STXBP6: variants seen among roughly 807,000 people sequenced by gnomAD.
STXBP6 encodes syntaxin binding protein 6.
Under a neutral mutation model 26.9 loss-of-function variants are expected in STXBP6, and 21 were observed. That is an observed-to-expected ratio of 0.78 (90% CI 0.55 to 1.12). The LOEUF (loss-of-function observed/expected upper bound fraction) is 1.12, where lower values mean the gene tolerates loss of function less well. STXBP6 is among the 50% of genes most tolerant of loss of function. The probability of loss-of-function intolerance (pLI) is 0.00; values close to 1 mark genes in which losing one functional copy is unlikely to be tolerated. For synonymous variants in STXBP6, 97 were observed against 92.6 expected (o/e 1.05, Z -0.27); for missense variants, 232 against 257.9 (o/e 0.90, Z 0.69).
At chr14:24,982,029 C>T (rs573498717) in intron 1 of STXBP6, among the ~76,000 whole-genome samples, 2 of 152,184 alleles carry the variant, frequency 1.3e-5, no homozygotes, top group African/African-American at 4.8e-5. Context: ...AAATAGTTTG[C>T]CAAAACGTTA....
chr14:24,883,511 T>C (rs1287142770), intron 2 of STXBP6, among the ~76,000 whole-genome samples: 1 of 152,202 alleles, frequency 6.6e-6, no homozygotes, highest in Non-Finnish European at 1.5e-5. Context: ...CAAAAATTTA[T>C]GACATAAACC....
chr14:24,834,919 A>T (rs1730156864), intron 4 of STXBP6, among the ~76,000 whole-genome samples: 1 of 152,190 alleles, frequency 6.6e-6, no homozygotes, highest in African/African-American at 2.4e-5. Flanking sequence ...AGTGCTTCTC[A>T]AGAGTTTTCT....
At chr14:25,002,959 T>C (rs2074800583) in intron 1 of STXBP6, among the ~76,000 whole-genome samples, 1 of 150,968 alleles carries the variant, frequency 6.6e-6, no homozygotes, top group African/African-American at 2.4e-5. Context: ...ACTCCTGACC[T>C]CAGGTGATCC....
intron 2 of STXBP6, among the ~76,000 whole-genome samples, chr14:24,896,664 A>C (rs998389830): frequency 1.3e-5 from 2 of 152,270 alleles, no homozygotes; most frequent in Non-Finnish European, 2.9e-5. Context: ...TATGGAGTAC[A>C]GAGGCAGAAC....
At chr14:24,914,414 C>G (rs1453622357) in intron 2 of STXBP6, among the ~76,000 whole-genome samples, 1 of 152,082 alleles carries the variant, frequency 6.6e-6, no homozygotes, top group Non-Finnish European at 1.5e-5. Flanking sequence ...AAATGAATTT[C>G]AAAATACTGG....
chr14:24,932,836 G>C (rs2072464759), intron 2 of STXBP6, among the ~76,000 whole-genome samples: 1 of 152,048 alleles, frequency 6.6e-6, no homozygotes, highest in Non-Finnish European at 1.5e-5. Context: ...TGTCATTTGA[G>C]GTAAAATAAC....
chr14:24,860,800 GT>G (rs2069510652), intron 2 of STXBP6, among the ~76,000 whole-genome samples: 1 of 150,788 alleles, frequency 6.6e-6, no homozygotes, highest in Non-Finnish European at 1.5e-5. Flanking sequence ...AAGAAAAGGG[GT>G]AAAAGAAAAA....
intron 1 of STXBP6, among the ~76,000 whole-genome samples, chr14:25,032,573 A>C (rs1469353114): frequency 6.6e-6 from 1 of 152,246 alleles, no homozygotes; most frequent in Non-Finnish European, 1.5e-5. Context: ...CGTCCGGGGA[A>C]GCCTCACCTA....
chr14:24,828,342 C>G (rs1247087154), intron 4 of STXBP6, among the ~76,000 whole-genome samples: 2 of 152,148 alleles, frequency 1.3e-5, no homozygotes, highest in East Asian at 3.9e-4. Context: ...AAGATAATTA[C>G]AGTAATTGTA....
intron 2 of STXBP6, among the ~76,000 whole-genome samples, chr14:24,872,267 G>T (rs2069964424): frequency 6.6e-6 from 1 of 152,222 alleles, no homozygotes; most frequent in South Asian, 2.1e-4. Context: ...ATAAAAAAAG[G>T]AAAGACAAAT....
chr14:24,931,130 A>AC (rs2072379589), intron 2 of STXBP6, among the ~76,000 whole-genome samples: 2 of 138,916 alleles, frequency 1.4e-5, no homozygotes, highest in Non-Finnish European at 3.1e-5. Context: ...AAAAAAAAAA[A>AC]AAAAAAAAAA....
At chr14:24,869,719 A>C (rs2069859609) in intron 2 of STXBP6, among the ~76,000 whole-genome samples, 1 of 152,178 alleles carries the variant, frequency 6.6e-6, no homozygotes, top group Non-Finnish European at 1.5e-5. Flanking sequence ...ACACACTTCC[A>C]TCCACCTGTC....
At chr14:25,004,981 A>C (rs2074855633) in intron 1 of STXBP6, among the ~76,000 whole-genome samples, 2 of 152,196 alleles carry the variant, frequency 1.3e-5, no homozygotes, top group African/African-American at 4.8e-5. Flanking sequence ...CCAGCTCTGA[A>C]ACTGTTGTCT....
chr14:24,814,506 T>A (rs990618644), intron 5 of STXBP6, among the ~76,000 whole-genome samples: 6 of 152,246 alleles, frequency 3.9e-5, no homozygotes, highest in African/African-American at 7.2e-5. Flanking sequence ...CCACAGCTAT[T>A]AATTTTCAGC....
At chr14:24,830,633 T>C (rs965835272) in intron 4 of STXBP6, among the ~76,000 whole-genome samples, 1 of 152,182 alleles carries the variant, frequency 6.6e-6, no homozygotes, top group African/African-American at 2.4e-5. Flanking sequence ...TTAAGTTGTC[T>C]ATGAGACATC....
At chr14:24,863,276 T>C (rs1195271540) in intron 2 of STXBP6, among the ~76,000 whole-genome samples, 1 of 152,234 alleles carries the variant, frequency 6.6e-6, no homozygotes, top group Non-Finnish European at 1.5e-5. Context: ...TATAAATCCA[T>C]GAGGGAATGA....
chr14:25,044,084 T>C (rs1344067516), intron 1 of STXBP6, among the ~76,000 whole-genome samples: 1 of 150,456 alleles, frequency 6.6e-6, no homozygotes, highest in Non-Finnish European at 1.5e-5. Flanking sequence ...GGTGGGAGGA[T>C]TGCTTGAGCC....
chr14:25,037,768 G>GTT (rs1418548215), intron 1 of STXBP6, among the ~76,000 whole-genome samples: 1 of 152,178 alleles, frequency 6.6e-6, no homozygotes, highest in East Asian at 1.9e-4. Context: ...TTTTAAGGTG[G>GTT]TTTACTATCT....
chr14:24,956,321 G>A (rs1305295205), intron 2 of STXBP6, among the ~76,000 whole-genome samples: 4 of 152,158 alleles, frequency 2.6e-5, no homozygotes, highest in Admixed American at 2.6e-4. Flanking sequence ...TGGGGACACA[G>A]GGACAGGTGC....
Sources: allele counts gnomAD v4.1 joint callset (sites outside exome capture counted in the v4.1 genomes callset), GRCh38; gene constraint gnomAD v4.1.1; transcripts MANE v1.5; gene names NCBI Gene and HGNC (gene_info 2026-07-23, HGNC 2026-07-21).